The following RNF214 variants were observed in gnomAD, a reference collection of about 807,000 sequenced individuals.
RNF214 encodes the protein ring finger protein 214.
RNF214 carries 25 observed loss-of-function variants against 75.9 expected under a neutral mutation model. The ratio of observed to expected loss-of-function variants is 0.33; its 90% CI spans 0.24 to 0.46. RNF214 has a LOEUF of 0.46. Among genes scored for constraint, RNF214 ranks in the 20% least tolerant of loss-of-function variants. RNF214 has a pLI of 1.00. For missense variants in RNF214, 725 were observed against 857.5 expected (o/e 0.85, Z 1.93); for synonymous variants, 314 against 308.8 (o/e 1.02, Z -0.18).
At chr11:117,246,537 C>A (rs1235899105) in intron 5 of RNF214, among the ~76,000 whole-genome samples, 2 of 152,216 alleles carry the variant, frequency 1.3e-5, no homozygotes, top group East Asian at 3.8e-4. Flanking sequence ...GAAGAGCTTA[C>A]TGCTTCACAA....
chr11:117,282,364 T>A, intron 11 of RNF214, 40 bp from the exon 12 acceptor site: 2 of 1,609,260 alleles, frequency 1.2e-6, no homozygotes, highest in Non-Finnish European at 1.7e-6. Context: ...CCCGTGGGTA[T>A]AGCATAGGCT....
chr11:117,244,733 T>G (rs1282630550), intron 5 of RNF214, 148 bp downstream of exon 5: 1 of 564,910 alleles, frequency 1.8e-6, no homozygotes, highest in Non-Finnish European at 2.8e-6. Flanking sequence ...TAGCATAATC[T>G]TGGCTCACTG....
intron 4 of RNF214, among the ~76,000 whole-genome samples, chr11:117,241,578 CAA>C (rs201566240): frequency 3.6e-4 from 37 of 102,848 alleles, no homozygotes; most frequent in Admixed American, 4.0e-4. Context: ...GAATCTGTCT[CAA>C]AAAAAAAAAA....
At chr11:117,273,656 G>T (rs186471969) in intron 6 of RNF214, among the ~76,000 whole-genome samples, 36 of 152,298 alleles carry the variant, frequency 2.4e-4, no homozygotes, top group Admixed American at 2.0e-4. Flanking sequence ...AGAGCATTGA[G>T]TGAGGACATG....
chr11:117,266,318 G>C (rs946780301), intron 6 of RNF214, among the ~76,000 whole-genome samples: 2 of 151,970 alleles, frequency 1.3e-5, no homozygotes, highest in Admixed American at 1.3e-4. Context: ...TTCTTGATCT[G>C]TAAAGTTACG....
intron 4 of RNF214, among the ~76,000 whole-genome samples, chr11:117,240,308 C>T (rs937940134): frequency 3.5e-5 from 5 of 144,820 alleles, no homozygotes; most frequent in African/African-American, 1.3e-4. Flanking sequence ...CCAAGGAGGT[C>T]GAGGCTGTGT....
intron 2 of RNF214, among the ~76,000 whole-genome samples, chr11:117,235,259 C>T (rs1434808391): frequency 4.0e-5 from 6 of 151,366 alleles, no homozygotes; most frequent in Admixed American, 1.3e-4. Flanking sequence ...TGCAGTGGCG[C>T]GATCTCGGCT....
In RNF214 at chr11:117,246,894, A is replaced by G; in HGVS notation, c.905A>G (p.Gln302Arg). The G allele has an allele frequency of 6.2e-7, 1 of 1,613,124 alleles. No individual in the cohort carries two copies. The highest frequency in any genetic ancestry group is 8.5e-7 in the Non-Finnish European group (1 of 1,179,594). Residue 302 changes from glutamine (Q) to arginine (R), a missense_variant, in exon 6 of 15, where the codon CAG (glutamine) becomes CGG (arginine). By Grantham distance (43) the Gln-to-Arg change is conservative. Coordinates refer to ENST00000300650, the MANE Select transcript of RNF214 (RefSeq NM_207343.4). ...GAGAAAGAGAAGAAGGAGTTTTTGC[A>G]GAAGGAGCAGGATCTGAAAGCTGAA... ...KIEKEKKEFL[Q>R]KEQDLKAEIE... is the part of the protein sequence containing the mutation.
intron 4 of RNF214, among the ~76,000 whole-genome samples, chr11:117,241,168 A>G (rs193087943): frequency 2.0e-5 from 3 of 151,866 alleles, no homozygotes; most frequent in African/African-American, 7.2e-5. Flanking sequence ...TGACAGAGTG[A>G]GACTCTCTCA....
chr11:117,262,591 A>G (rs2033691184), intron 6 of RNF214, among the ~76,000 whole-genome samples: 1 of 151,610 alleles, frequency 6.6e-6, no homozygotes, highest in Non-Finnish European at 1.5e-5. Context: ...TATATTGTCT[A>G]GGTTGATCTT....
At chr11:117,277,550 A>G (rs1223013530) in intron 6 of RNF214, among the ~76,000 whole-genome samples, 1 of 152,230 alleles carries the variant, frequency 6.6e-6, no homozygotes, top group Non-Finnish European at 1.5e-5. Context: ...GGATATGTGG[A>G]GAATTGGGTC....
intron 2 of RNF214, among the ~76,000 whole-genome samples, chr11:117,234,756 C>CAT (rs2032854322): frequency 6.6e-6 from 1 of 151,984 alleles, no homozygotes; most frequent in Non-Finnish European, 1.5e-5. Context: ...ACACAATTAC[C>CAT]CAAACTTATA....
At chr11:117,234,645 C>G (rs994006901) in intron 2 of RNF214, among the ~76,000 whole-genome samples, 2 of 152,184 alleles carry the variant, frequency 1.3e-5, no homozygotes, top group African/African-American at 4.8e-5. Context: ...CCCTTTCCTA[C>G]GTGGACTGTA....
At chr11:117,241,663 G>A (rs1357714555) in intron 4 of RNF214, among the ~76,000 whole-genome samples, 1 of 151,622 alleles carries the variant, frequency 6.6e-6, no homozygotes, top group Non-Finnish European at 1.5e-5. Flanking sequence ...TGTTAGCCAT[G>A]TGTATATTTG....
chr11:117,263,194 T>C (rs2033710981), intron 6 of RNF214, among the ~76,000 whole-genome samples: 1 of 152,142 alleles, frequency 6.6e-6, no homozygotes, highest in Non-Finnish European at 1.5e-5. Flanking sequence ...TTATGATTGT[T>C]ATTATAGGGG....
At chr11:117,282,905 G>A (rs989231597) in intron 13 of RNF214, 55 bp downstream of exon 13, 1 of 1,412,284 alleles carries the variant, frequency 7.1e-7, no homozygotes, top group African/African-American at 1.4e-5. Context: ...GGTGAGGAAG[G>A]AGTGGGTTTA....
intron 2 of RNF214, among the ~76,000 whole-genome samples, chr11:117,235,933 A>G (rs574745828): frequency 7.2e-5 from 11 of 151,920 alleles, no homozygotes; most frequent in African/African-American, 2.4e-4. Flanking sequence ...CACATTCTAC[A>G]TAAAGAGGCT....
chr11:117,281,183 A>G (rs1450874822), intron 8 of RNF214, 131 bp from the exon 9 acceptor site: 26 of 640,226 alleles, frequency 4.1e-5, no homozygotes, highest in Admixed American at 2.2e-4. Flanking sequence ...CACATTGCCC[A>G]GGCTGGTCTA....
intron 6 of RNF214, among the ~76,000 whole-genome samples, chr11:117,276,606 AG>A (rs1309459478): frequency 1.3e-5 from 2 of 152,216 alleles, no homozygotes; most frequent in African/African-American, 2.4e-5. Context: ...TCTAAAAAAA[AG>A]AAAATAAGAA....
Sources: gnomAD v4.1 joint callset for allele counts (sites outside exome capture counted in the v4.1 genomes callset) on GRCh38, gnomAD v4.1.1 for gene constraint, MANE v1.5 for transcripts, NCBI Gene and HGNC (gene_info 2026-07-23, HGNC 2026-07-21) for gene names.